ENTPD3: variants seen among roughly 807,000 people sequenced by gnomAD.
ENTPD3 encodes the protein ectonucleoside triphosphate diphosphohydrolase 3.
Under a neutral mutation model 51.2 loss-of-function variants are expected in ENTPD3, and 60 were observed. The observed-to-expected ratio is 1.17, with a 90% CI of 0.95 to 1.45. The LOEUF (loss-of-function observed/expected upper bound fraction) is 1.45, where lower values mean the gene tolerates loss of function less well. Ranked by LOEUF, ENTPD3 falls within the 40% of genes most tolerant of loss-of-function variation. The pLI is 0.00. For missense variants in ENTPD3, 593 were observed against 641.1 expected, an observed-to-expected ratio of 0.93 and a Z score of 0.81; for synonymous variants, 221 against 238.4, an observed-to-expected ratio of 0.93 and a Z score of 0.67.
intron 4 of ENTPD3, among the ~76,000 whole-genome samples, chr3:40,407,078 A>G (rs74962251): frequency 1.8e-4 from 28 of 152,248 alleles, no homozygotes; most frequent in African/African-American, 6.5e-4. Context: ...GTGCATCACA[A>G]CACCATTTAC....
intron 3 of ENTPD3, among the ~76,000 whole-genome samples, chr3:40,400,523 C>A (rs912578707): frequency 6.6e-6 from 1 of 152,058 alleles, no homozygotes; most frequent in Admixed American, 6.5e-5. Context: ...AATTCTCAAC[C>A]TTGGCTGAGT....
At chr3:40,424,372 G>T (rs1955943775) in intron 10 of ENTPD3, among the ~76,000 whole-genome samples, 1 of 152,158 alleles carries the variant, frequency 6.6e-6, no homozygotes, top group Non-Finnish European at 1.5e-5. Flanking sequence ...TTTTTAAAGA[G>T]GATAGTAACT....
At position 40,422,898 on chromosome 3, in the gene ENTPD3, T is replaced by TATAG; in HGVS notation, c.881_884dup (p.Ser295ArgfsTer2). 1 of 1,613,952 alleles carries TATAG rather than the reference T, an allele frequency of 6.2e-7. No individual in the cohort carries two copies. The highest frequency in any genetic ancestry group is 8.5e-7 in the Non-Finnish European group (1 of 1,179,970). ...CACCAATCCCTGTTACCCTCGGGAT[T>TATAG]ATAGCATCAGCTTCACCATGGGCCA... is the stretch of plus-strand genomic sequence containing the variant. On this transcript the variant is annotated frameshift_variant, in exon 8 of 11. Transcript: ENST00000301825. LOFTEE classifies it high-confidence loss of function.
intron 4 of ENTPD3, among the ~76,000 whole-genome samples, chr3:40,407,304 G>A (rs1258594737): frequency 2.6e-5 from 4 of 151,664 alleles, no homozygotes; most frequent in African/African-American, 9.7e-5. Context: ...CATGAAAACA[G>A]CCATAGACAA....
intron 5 of ENTPD3, among the ~76,000 whole-genome samples, chr3:40,412,839 T>C (rs1026478484): frequency 6.6e-6 from 1 of 152,230 alleles, no homozygotes; most frequent in African/African-American, 2.4e-5. Flanking sequence ...ATAATTCTTG[T>C]TTCTAATCTG....
intron 6 of ENTPD3, among the ~76,000 whole-genome samples, chr3:40,415,303 T>C (rs1466488225): frequency 6.6e-6 from 1 of 152,096 alleles, no homozygotes; most frequent in African/African-American, 2.4e-5. Context: ...GCTCCCTTGG[T>C]GCAGAGGAAA....
Position 40,411,928 on chromosome 3 carries a change from C to G in ENTPD3, c.403C>G (p.His135Asp), listed in dbSNP as rs373505768. Residue 135 changes from histidine to aspartate, a missense_variant, in exon 5 of 11, where the codon CAC becomes GAC. Transcript: ENST00000301825. ...PSHLHGSTPIHLGATAGMRLL... is the reference protein window; with the variant it reads ...PSHLHGSTPIDLGATAGMRLL... ...CCACCTCCACGGATCCACCCCCATTCACCTGGGAGCCACGGCTGGGATGCG... is the reference window on the plus strand; with the variant it reads ...CCACCTCCACGGATCCACCCCCATTGACCTGGGAGCCACGGCTGGGATGCG... 8.1e-6 allele frequency: 13 copies of G among 1,611,564 alleles called. No individual in the cohort carries two copies. The African/African-American group carries it at 1.5e-4, about 18-fold the overall frequency.
At chr3:40,394,377 C>G in intron 3 of ENTPD3, 1 of 291,720 alleles carries the variant, frequency 3.4e-6, no homozygotes, top group Non-Finnish European at 7.1e-6. Flanking sequence ...CCACCTCAGC[C>G]TCCCAGAGTG....
intron 4 of ENTPD3, among the ~76,000 whole-genome samples, chr3:40,410,027 G>C (rs971930915): frequency 1.3e-5 from 2 of 152,188 alleles, no homozygotes; most frequent in Non-Finnish European, 2.9e-5. Context: ...GAGACAAGGA[G>C]AGAATCTAGA....
At chr3:40,402,420 C>T (rs1329871176) in intron 4 of ENTPD3, among the ~76,000 whole-genome samples, 6 of 151,862 alleles carry the variant, frequency 4.0e-5, no homozygotes, top group South Asian at 2.1e-4. Context: ...TGCTCGGCCT[C>T]ATTTTTCCTT....
chr3:40,402,123 C>G, intron 4 of ENTPD3, among the ~76,000 whole-genome samples: 1 of 95,072 alleles, frequency 1.1e-5, no homozygotes, highest in East Asian at 3.6e-4. Flanking sequence ...TTTTTTTTTT[C>G]TTTTTTTTTT....
intron 3 of ENTPD3, among the ~76,000 whole-genome samples, chr3:40,398,990 G>A (rs528870302): frequency 2.0e-5 from 3 of 152,278 alleles, no homozygotes; most frequent in East Asian, 3.9e-4. Context: ...GGGAGGCGGA[G>A]GTGGGTGAAT....
intron 4 of ENTPD3, 113 bp downstream of exon 4, chr3:40,401,124 G>A (rs1955345729): frequency 2.6e-6 from 2 of 776,134 alleles, no homozygotes; most frequent in East Asian, 2.5e-5. Context: ...AATGAGCATT[G>A]GACTGGGAGT....
intron 1 of ENTPD3, 184 bp downstream of exon 1, chr3:40,387,445 G>C (rs866299954): frequency 5.9e-5 from 9 of 152,618 alleles, no homozygotes; most frequent in Non-Finnish European, 1.0e-4. Flanking sequence ...GCCCACGACG[G>C]GTGGGCGCGT....
At chr3:40,426,096 C>T (rs372082307) in intron 10 of ENTPD3, among the ~76,000 whole-genome samples, 18 of 138,922 alleles carry the variant, frequency 1.3e-4, no homozygotes, top group African/African-American at 4.1e-4. Context: ...ATATCTTTTT[C>T]TTTTTCTTTT....
chr3:40,402,287 T>A (rs1333712862), intron 4 of ENTPD3, among the ~76,000 whole-genome samples: 1 of 151,534 alleles, frequency 6.6e-6, no homozygotes, highest in Non-Finnish European at 1.5e-5. Context: ...CCTGGCTAAT[T>A]TTTGTATTTT....
chr3:40,404,346 G>GT (rs1457822307), intron 4 of ENTPD3, among the ~76,000 whole-genome samples: 3 of 152,222 alleles, frequency 2.0e-5, no homozygotes, highest in African/African-American at 4.8e-5. Flanking sequence ...AGCATTAACT[G>GT]TTATTCATGG....
At chr3:40,404,154 A>C (rs969233651) in intron 4 of ENTPD3, among the ~76,000 whole-genome samples, 2 of 151,952 alleles carry the variant, frequency 1.3e-5, no homozygotes. Flanking sequence ...TAGGATCGAG[A>C]TTGAGACTTC....
intron 7 of ENTPD3, among the ~76,000 whole-genome samples, chr3:40,420,311 C>T (rs1955838162): frequency 6.6e-6 from 1 of 151,064 alleles, no homozygotes; most frequent in Non-Finnish European, 1.5e-5. Flanking sequence ...TCTTGGCTCA[C>T]TGCAAGCTCT....
Sources: gnomAD v4.1 joint callset for allele counts (sites outside exome capture counted in the v4.1 genomes callset) on GRCh38, gnomAD v4.1.1 for gene constraint, MANE v1.5 for transcripts, NCBI Gene and HGNC (gene_info 2026-07-23, HGNC 2026-07-21) for gene names.